The following ERC2 variants were observed in gnomAD, a reference collection of about 807,000 sequenced individuals.
ERC2 encodes ERC protein 2.
In ERC2, 42 loss-of-function variants were observed where a neutral mutation model predicts 114.8. That is an observed-to-expected ratio of 0.37 (90% CI 0.29 to 0.47). The LOEUF (loss-of-function observed/expected upper bound fraction) is 0.47, where lower values mean the gene tolerates loss of function less well. Among genes scored for constraint, ERC2 ranks in the 20% least tolerant of loss-of-function variants. The pLI is 0.99. For synonymous variants in ERC2, 454 were observed against 425.5 expected (o/e 1.07, Z -0.82); for missense variants, 939 against 1,150.7 (o/e 0.82, Z 2.66).
At chr3:55,964,918 T>C (rs546517013) in intron 12 of ERC2, among the ~76,000 whole-genome samples, 31 of 152,360 alleles carry the variant, frequency 2.0e-4, no homozygotes, top group African/African-American at 7.2e-4. Context: ...CCAAAGTTCC[T>C]TGCCATGTGG....
intron 3 of ERC2, among the ~76,000 whole-genome samples, chr3:56,190,460 G>T (rs551512293): frequency 6.6e-6 from 1 of 152,218 alleles, no homozygotes; most frequent in Admixed American, 6.5e-5. Context: ...TTAAGACAAG[G>T]TCTCACTCTG....
intron 14 of ERC2, among the ~76,000 whole-genome samples, chr3:55,852,326 G>C (rs2061608311): frequency 6.6e-6 from 1 of 152,166 alleles, no homozygotes; most frequent in Non-Finnish European, 1.5e-5. Context: ...TTTCACTAAT[G>C]CCAAAGACAT....
At chr3:56,195,479 GTGTT>G (rs2048037921) in intron 3 of ERC2, among the ~76,000 whole-genome samples, 1 of 125,884 alleles carries the variant, frequency 7.9e-6, no homozygotes, top group Non-Finnish European at 1.7e-5. Flanking sequence ...GTTTAGGGAT[GTGTT>G]TGTGTGTGCG....
Position 56,444,765 on chromosome 3 carries a change from C to G in ERC2, c.-140-9618G>C, listed in dbSNP as rs190764582. ...TATTTCCACAGATCTCCGCCTCAGC[C>G]CATCACCTGAGGCCTGCTGACAGAC... On this transcript the variant is annotated intron_variant, in intron 1 of 17. Transcript: ENST00000288221. Among the ~76,000 whole-genome samples, 552 of 152,304 alleles carry G rather than the reference C, an allele frequency of 3.6e-3. 4 individuals are homozygous for G. Among genetic ancestry groups the G allele is most frequent in the Middle Eastern group, 0.024 (7 of 294 alleles).
At chr3:55,984,941 T>C (rs1447546591) in intron 12 of ERC2, among the ~76,000 whole-genome samples, 1 of 152,206 alleles carries the variant, frequency 6.6e-6, no homozygotes, top group Non-Finnish European at 1.5e-5. Context: ...GGTACTGTAG[T>C]CAATGGATTG....
rs1405104641 is a variant in ERC2 at position 55,971,345 on chromosome 3, A to G, written c.2267+14632T>C. 2.0e-5 allele frequency among the ~76,000 whole-genome samples: 3 copies of G among 152,134 alleles called. No individual in the cohort carries two copies. In the East Asian group the frequency reaches 5.8e-4, roughly 29 times the overall value. On this transcript the variant is annotated intron_variant, in intron 12 of 17. Coordinates refer to ENST00000288221, the MANE Select transcript of ERC2 (RefSeq NM_015576.3). Reference sequence around the variant, plus strand: ...AAAAGGGTGAATTTTATGGTATGCAAATATATCTTAATTAAAAAATTACAA... The same window carrying G: ...AAAAGGGTGAATTTTATGGTATGCAGATATATCTTAATTAAAAAATTACAA...
intron 14 of ERC2, among the ~76,000 whole-genome samples, chr3:55,814,080 A>G (rs2149134151): frequency 6.6e-6 from 1 of 152,322 alleles, no homozygotes; most frequent in South Asian, 2.1e-4. Context: ...CATTTTTGCA[A>G]ATGCATTAGT....
chr3:55,692,480 G>A (rs1327420918), intron 16 of ERC2, among the ~76,000 whole-genome samples: 3 of 152,166 alleles, frequency 2.0e-5, no homozygotes, highest in Non-Finnish European at 2.9e-5. Flanking sequence ...GGGATGGCTG[G>A]AAATTCCCCT....
intron 17 of ERC2, among the ~76,000 whole-genome samples, chr3:55,553,268 C>G (rs2055355470): frequency 6.6e-6 from 1 of 151,826 alleles, no homozygotes; most frequent in African/African-American, 2.4e-5. Context: ...GATCCACCTG[C>G]CTCAGCCTCC....
chr3:56,172,985 A>G (rs550596731), intron 4 of ERC2, among the ~76,000 whole-genome samples: 146 of 152,342 alleles, frequency 9.6e-4, no homozygotes, highest in African/African-American at 3.4e-3. Context: ...GGGTCACCAG[A>G]AAGTATCATT....
intron 2 of ERC2, among the ~76,000 whole-genome samples, chr3:56,382,097 G>A (rs528099419): frequency 6.6e-6 from 1 of 152,056 alleles, no homozygotes; most frequent in South Asian, 2.1e-4. Context: ...AACCACAGAA[G>A]AGAATTTCCT....
chr3:55,759,489 A>AC (rs2067285080), intron 14 of ERC2, among the ~76,000 whole-genome samples: 1 of 133,730 alleles, frequency 7.5e-6, no homozygotes, highest in African/African-American at 2.8e-5. Context: ...AAAAAAAAAA[A>AC]AAAAAAAAAG....
At chr3:55,553,610 C>T (rs62251507) in intron 17 of ERC2, among the ~76,000 whole-genome samples, 8,536 of 152,022 alleles carry the variant, frequency 0.056, 324 homozygotes, top group Middle Eastern at 0.085. Flanking sequence ...GAAACCCTGT[C>T]TCTACTAAAA....
At chr3:56,384,738 T>C (rs1413628528) in intron 2 of ERC2, among the ~76,000 whole-genome samples, 1 of 152,220 alleles carries the variant, frequency 6.6e-6, no homozygotes, top group East Asian at 1.9e-4. Flanking sequence ...TTTTGTCACC[T>C]GTGCTTTTGG....
chr3:55,786,848 G>A (rs1403193142), intron 14 of ERC2, among the ~76,000 whole-genome samples: 1 of 152,090 alleles, frequency 6.6e-6, no homozygotes, highest in Non-Finnish European at 1.5e-5. Context: ...TCAAGGTGGT[G>A]AGTAATGAAA....
chr3:56,368,825 GA>G (rs370113784), intron 2 of ERC2, among the ~76,000 whole-genome samples: 1,645 of 148,228 alleles, frequency 0.011, 20 homozygotes, highest in South Asian at 0.032. Context: ...AAAAAAATCA[GA>G]AAAAAAAAAC....
chr3:56,007,148 T>A, intron 10 of ERC2, 33 bp downstream of exon 10: 1 of 1,518,306 alleles, frequency 6.6e-7, no homozygotes, highest in Non-Finnish European at 8.8e-7. Context: ...CATTTTTAAA[T>A]AAGCATGATT....
At chr3:56,422,054 G>T (rs757920127) in intron 2 of ERC2, among the ~76,000 whole-genome samples, 1 of 152,166 alleles carries the variant, frequency 6.6e-6, no homozygotes, top group African/African-American at 2.4e-5. Context: ...TGGAACAAAA[G>T]ACAAAGCCTG....
At chr3:56,377,819 T>C (rs1320560602) in intron 2 of ERC2, among the ~76,000 whole-genome samples, 1 of 151,776 alleles carries the variant, frequency 6.6e-6, no homozygotes, top group East Asian at 1.9e-4. Context: ...GTAGTTCCAA[T>C]TCAGCCTAGG....
Sources: allele counts gnomAD v4.1 joint callset (sites outside exome capture counted in the v4.1 genomes callset), GRCh38; gene constraint gnomAD v4.1.1; transcripts MANE v1.5; gene names NCBI Gene and HGNC (gene_info 2026-07-23, HGNC 2026-07-21).